Variants in PTPRD observed in about 807,000 individuals in gnomAD.
PTPRD encodes the protein protein tyrosine phosphatase receptor type D.
A neutral mutation model predicts 214.5 loss-of-function variants in PTPRD; 34 were observed. The observed-to-expected ratio is 0.16, with a 90% CI of 0.12 to 0.21. The LOEUF is 0.21. Among genes scored for constraint, PTPRD ranks in the 10% least tolerant of loss-of-function variants. The pLI is 1.00. For synonymous variants in PTPRD, 1,128 were observed against 845.7 expected, an observed-to-expected ratio of 1.33 and a Z score of -5.79; for missense variants, 2,545 against 2,398.7, an observed-to-expected ratio of 1.06 and a Z score of -1.27.
chr9:9,792,839 G>C (rs746698785), intron 5 of PTPRD, among the ~76,000 whole-genome samples: 2 of 152,256 alleles, frequency 1.3e-5, no homozygotes, highest in South Asian at 2.1e-4. Context: ...TTTGTAATTA[G>C]TGATGAAATT....
intron 39 of PTPRD, among the ~76,000 whole-genome samples, chr9:8,355,995 A>G (rs1344593560): frequency 6.6e-6 from 1 of 152,226 alleles, no homozygotes; most frequent in Non-Finnish European, 1.5e-5. Flanking sequence ...ATACACATAA[A>G]TTTAAAAAAA....
chr9:10,501,268 G>T (rs895086416), intron 2 of PTPRD, among the ~76,000 whole-genome samples: 1 of 151,896 alleles, frequency 6.6e-6, no homozygotes, highest in Non-Finnish European at 1.5e-5. Flanking sequence ...TTGTAGTCTT[G>T]ATTTGTATTT....
chr9:9,345,786 A>T (rs1230524477), intron 9 of PTPRD, among the ~76,000 whole-genome samples: 2 of 152,130 alleles, frequency 1.3e-5, no homozygotes, highest in African/African-American at 4.8e-5. Flanking sequence ...AATGATATCA[A>T]CTTCAGAAGG....
At chr9:9,727,915 T>C (rs2098121295) in intron 7 of PTPRD, among the ~76,000 whole-genome samples, 1 of 152,200 alleles carries the variant, frequency 6.6e-6, no homozygotes. Context: ...TGTCCTGATA[T>C]GATTTGGCTG....
At chr9:10,388,728 T>G (rs2097982725) in intron 2 of PTPRD, among the ~76,000 whole-genome samples, 1 of 151,848 alleles carries the variant, frequency 6.6e-6, no homozygotes. Flanking sequence ...ACCTTAGTCA[T>G]GTCACTTAAC....
At chr9:8,792,510 C>A (rs1413714649) in intron 11 of PTPRD, among the ~76,000 whole-genome samples, 2 of 152,122 alleles carry the variant, frequency 1.3e-5, no homozygotes, top group Non-Finnish European at 2.9e-5. Flanking sequence ...TTGAGGAAGA[C>A]AATGAGGAAA....
intron 18 of PTPRD, chr9:8,524,674 A>C: frequency 1.7e-6 from 1 of 576,642 alleles, no homozygotes; most frequent in Non-Finnish European, 3.1e-6. Context: ...TAAAAATAGA[A>C]ACCAAGATGT....
chr9:10,049,451 AC>A (rs1176981748), intron 3 of PTPRD, among the ~76,000 whole-genome samples: 2 of 127,800 alleles, frequency 1.6e-5, no homozygotes, highest in East Asian at 3.6e-4. Context: ...AAAAAAAAAA[AC>A]CCTTCTATAT....
chr9:10,004,312 G>T (rs1416675533), intron 4 of PTPRD, among the ~76,000 whole-genome samples: 1 of 151,628 alleles, frequency 6.6e-6, no homozygotes, highest in South Asian at 2.1e-4. Context: ...ATGATAAGAG[G>T]GAATTTGCCA....
intron 30 of PTPRD, among the ~76,000 whole-genome samples, chr9:8,481,504 C>A (rs199959855): frequency 6.6e-6 from 1 of 152,180 alleles, no homozygotes; most frequent in South Asian, 2.1e-4. Flanking sequence ...CAGCCATCTG[C>A]TTTAAGTTTT....
intron 33 of PTPRD, among the ~76,000 whole-genome samples, chr9:8,459,705 G>C (rs1050150817): frequency 2.6e-5 from 4 of 152,074 alleles, no homozygotes; most frequent in Admixed American, 2.6e-4. Context: ...CAGATTATTT[G>C]CATCCTAACT....
Position 9,948,503 on chromosome 9 carries a change from G to T in PTPRD, c.-471-9893C>A, listed in dbSNP as rs548944715. Among the ~76,000 whole-genome samples the T allele has an allele frequency of 2.0e-5, 3 of 152,150 alleles. No individual in the cohort carries two copies. The East Asian group carries it at 5.8e-4, about 29-fold the overall frequency. On this transcript the variant is annotated intron_variant, in intron 4 of 45. Coordinates refer to ENST00000381196, the MANE Select transcript of PTPRD (RefSeq NM_002839.4). ...CATTTTAAAAAATGTGAGACATAAA[G>T]GATAATAAAAGTAAAATGTAGAGAT...
intron 3 of PTPRD, among the ~76,000 whole-genome samples, chr9:10,144,264 C>T (rs1200187742): frequency 1.3e-5 from 2 of 151,968 alleles, no homozygotes; most frequent in African/African-American, 4.8e-5. Context: ...TTCTTTAATA[C>T]TCTTCTCTCC....
At chr9:9,736,822 T>C (rs568866365) in intron 6 of PTPRD, among the ~76,000 whole-genome samples, 1 of 152,048 alleles carries the variant, frequency 6.6e-6, no homozygotes, top group Admixed American at 6.6e-5. Flanking sequence ...GCTTTATGTA[T>C]TCTAGATGCG....
At chr9:9,044,447 T>A (rs893187805) in intron 10 of PTPRD, among the ~76,000 whole-genome samples, 3 of 152,200 alleles carry the variant, frequency 2.0e-5, no homozygotes, top group African/African-American at 7.2e-5. Context: ...CTCAGTAATA[T>A]GAGATTCCTC....
intron 11 of PTPRD, among the ~76,000 whole-genome samples, chr9:8,799,066 T>C (rs868556828): frequency 1.3e-5 from 2 of 152,172 alleles, no homozygotes; most frequent in South Asian, 4.1e-4. Context: ...TTCACATGCA[T>C]TGCTTTATTT....
intron 7 of PTPRD, among the ~76,000 whole-genome samples, chr9:9,722,689 T>C (rs1564773654): frequency 6.6e-6 from 1 of 152,032 alleles, no homozygotes; most frequent in Non-Finnish European, 1.5e-5. Flanking sequence ...CACCAGCAAT[T>C]GATAACAATT....
chr9:8,651,881 G>A (rs867841818), intron 12 of PTPRD, among the ~76,000 whole-genome samples: 20 of 152,238 alleles, frequency 1.3e-4, no homozygotes, highest in African/African-American at 4.3e-4. Context: ...AACACTACAC[G>A]AATATTCTTG....
chr9:8,623,581 A>G (rs2095888923), intron 14 of PTPRD, among the ~76,000 whole-genome samples: 1 of 151,938 alleles, frequency 6.6e-6, no homozygotes, highest in African/African-American at 2.4e-5. Flanking sequence ...CCTACTGATC[A>G]TAGTAATACT....
Sources: allele counts gnomAD v4.1 joint callset (sites outside exome capture counted in the v4.1 genomes callset), GRCh38; gene constraint gnomAD v4.1.1; transcripts MANE v1.5; gene names NCBI Gene and HGNC (gene_info 2026-07-23, HGNC 2026-07-21).